The following FAM177A1 variants were observed in gnomAD, a reference collection of about 807,000 sequenced individuals.
FAM177A1 encodes protein FAM177A1.
Under a neutral mutation model 26.1 loss-of-function variants are expected in FAM177A1, and 22 were observed. That is an observed-to-expected ratio of 0.84 (90% CI 0.60 to 1.20). The LOEUF is 1.20. Ranked by LOEUF, FAM177A1 falls within the 50% of genes most tolerant of loss-of-function variation. FAM177A1 has a pLI of 0.00. For missense variants in FAM177A1, 296 were observed against 291.1 expected (o/e 1.02, Z -0.12); for synonymous variants, 95 against 99.3 (o/e 0.96, Z 0.26).
In FAM177A1 at chr14:35,063,492, C is replaced by T. The variant is rs190440588; in HGVS notation, c.339+10041C>T. 5.0e-4 allele frequency among the ~76,000 whole-genome samples: 76 copies of T among 151,420 alleles called. 1 individual carries two copies. In the East Asian group the frequency reaches 0.012, roughly 25 times the overall value. On this transcript the variant is annotated intron_variant, in intron 2 of 4. Coordinates refer to ENST00000280987, the MANE Select transcript of FAM177A1 (RefSeq NM_173607.5). Reference sequence around the variant, plus strand: ...GCTTGGGAGGCTGAGGCAGGAGAATCGCTTGAACCTGGGAGGTGGAGGTTG... The same window carrying T: ...GCTTGGGAGGCTGAGGCAGGAGAATTGCTTGAACCTGGGAGGTGGAGGTTG...
chr14:35,079,029 G>A lies in FAM177A1; in HGVS notation c.504+5G>A, dbSNP rs1372153692. 6.5e-7 allele frequency: 1 copy of A among 1,548,716 alleles called. No homozygotes were observed. Among genetic ancestry groups the A allele is most frequent in the Non-Finnish European group, 8.6e-7 (1 of 1,156,304 alleles). ...TATTATCGGATGAAGAAGGAGGTAT[G>A]CCTCCTTTTTACATTTTCTTGATTC... On this transcript the variant is annotated splice_donor_5th_base_variant and intron_variant, in intron 4 of 4. Transcript: ENST00000280987.
chr14:35,052,870 C>T (rs2044996403), intron 1 of FAM177A1, among the ~76,000 whole-genome samples: 1 of 152,022 alleles, frequency 6.6e-6, no homozygotes, highest in South Asian at 2.1e-4. Context: ...TGCAGTGAGC[C>T]GTGATTGCAC....
At chr14:35,076,452 G>T (rs941312055) in intron 2 of FAM177A1, among the ~76,000 whole-genome samples, 3 of 151,958 alleles carry the variant, frequency 2.0e-5, no homozygotes, top group Non-Finnish European at 4.4e-5. Flanking sequence ...TGGGGTGGGG[G>T]GAGCGGGGAG....
chr14:35,069,181 T>A (rs1037020859), intron 2 of FAM177A1, among the ~76,000 whole-genome samples: 3 of 152,156 alleles, frequency 2.0e-5, no homozygotes, highest in African/African-American at 7.2e-5. Context: ...AAAATTTTTT[T>A]AAATGTGTAT....
At chr14:35,069,346 C>T (rs1303523153) in intron 2 of FAM177A1, among the ~76,000 whole-genome samples, 8 of 146,814 alleles carry the variant, frequency 5.4e-5, no homozygotes, top group Middle Eastern at 3.7e-3. Context: ...AGTGCAATGG[C>T]GCAATCTCGG....
At chr14:35,047,743 G>A (rs112224247) in intron 1 of FAM177A1, among the ~76,000 whole-genome samples, 1,472 of 140,616 alleles carry the variant, frequency 0.01, 32 homozygotes, top group Non-Finnish European at 0.01. Flanking sequence ...GCGAGACTCC[G>A]TCTCAAAACA....
chr14:35,055,988 A>T (rs553978522), intron 2 of FAM177A1, among the ~76,000 whole-genome samples: 31 of 152,144 alleles, frequency 2.0e-4, no homozygotes, highest in African/African-American at 7.5e-4. Context: ...TTTCAGGTGC[A>T]TATTGGCCAT....
intron 2 of FAM177A1, among the ~76,000 whole-genome samples, chr14:35,073,756 T>C (rs1310203064): frequency 6.6e-6 from 1 of 152,192 alleles, no homozygotes; most frequent in Non-Finnish European, 1.5e-5. Context: ...GCAGTCCTAA[T>C]CATAAACCGG....
At chr14:35,070,960 C>G (rs1389029547) in intron 2 of FAM177A1, among the ~76,000 whole-genome samples, 1 of 151,494 alleles carries the variant, frequency 6.6e-6, no homozygotes, top group Non-Finnish European at 1.5e-5. Flanking sequence ...GGGTGAATTA[C>G]ATTTTTCTTA....
chr14:35,053,901 G>T (rs1323847183), intron 2 of FAM177A1, among the ~76,000 whole-genome samples: 1 of 152,158 alleles, frequency 6.6e-6, no homozygotes, highest in Non-Finnish European at 1.5e-5. Flanking sequence ...GCTGAGGCAG[G>T]AGAATTGCTT....
rs1320975725 is a variant in FAM177A1, at chr14:35,077,503, T to C, written c.406+287T>C. Among the ~76,000 whole-genome samples, 6 of 127,244 alleles carry C rather than the reference T, an allele frequency of 4.7e-5. No homozygotes were observed. The Admixed American group carries it at 5.6e-4, about 12-fold the overall frequency. The allele number at this position is 127,244 out of a possible 152,430, so 83.5% of individuals were successfully genotyped here. On this transcript the variant is annotated intron_variant, in intron 3 of 4. Coordinates refer to ENST00000280987, the MANE Select transcript of FAM177A1 (RefSeq NM_173607.5). ...TTTTTTTTTTTTTTTTGAGACGGAG[T>C]CTCGCTCTGTCGCCCAGGCCGGACT...
chr14:35,079,935 TA>T (rs1158611421), intron 4 of FAM177A1, among the ~76,000 whole-genome samples: 4 of 152,198 alleles, frequency 2.6e-5, no homozygotes, highest in African/African-American at 9.7e-5. Context: ...TCAGCTGACT[TA>T]ATATTTGTCA....
chr14:35,081,385 T>C lies in FAM177A1; in HGVS notation c.*157T>C. ...ATGTTTTCTTCATTTTTAGGATCTA[T>C]CTAGCAAAAGCCAGATCTGAAATTC... On this transcript the variant is annotated 3_prime_UTR_variant, in exon 5 of 5. Coordinates refer to ENST00000280987, the MANE Select transcript of FAM177A1 (RefSeq NM_173607.5). The C allele has an allele frequency of 2.7e-6, 2 of 742,518 alleles. No homozygotes were observed. The highest frequency in any genetic ancestry group is 4.0e-6 in the Non-Finnish European group (2 of 497,034). The allele number at this position is 742,518 out of a possible 1,614,324, so 46.0% of individuals were successfully genotyped here.
rs541017194 is a variant in FAM177A1 at position 35,052,460 on chromosome 14, C to T, written c.166-818C>T. Among the ~76,000 whole-genome samples, 5 of 151,946 alleles carry T rather than the reference C, an allele frequency of 3.3e-5. No homozygotes were observed. The East Asian group carries it at 5.8e-4, about 18-fold the overall frequency. On this transcript the variant is annotated intron_variant, in intron 1 of 4. Coordinates refer to ENST00000280987, the MANE Select transcript of FAM177A1 (RefSeq NM_173607.5). The stretch of plus-strand genomic sequence containing the variant: ...TCCTGACCTTGTGATCCGCCTGCCT[C>T]GGCCTCCCAAAATGCTGGGATTACA...
At chr14:35,070,023 G>A (rs1204549799) in intron 2 of FAM177A1, among the ~76,000 whole-genome samples, 1 of 144,060 alleles carries the variant, frequency 6.9e-6, no homozygotes, top group Non-Finnish European at 1.5e-5. Context: ...GGCTAAGGCA[G>A]AGAATTGCTT....
intron 2 of FAM177A1, among the ~76,000 whole-genome samples, chr14:35,070,283 G>A (rs993344032): frequency 7.3e-5 from 11 of 151,082 alleles, no homozygotes; most frequent in African/African-American, 1.9e-4. Context: ...CTCAGCCTCC[G>A]AAAGTGCTGG....
chr14:35,052,291 C>A (rs2044984877), intron 1 of FAM177A1, among the ~76,000 whole-genome samples: 1 of 151,734 alleles, frequency 6.6e-6, no homozygotes, highest in Non-Finnish European at 1.5e-5. Context: ...GTTGCCCAGA[C>A]TGGAGTGCAG....
chr14:35,055,257 C>A (rs2045041876), intron 2 of FAM177A1, among the ~76,000 whole-genome samples: 1 of 143,204 alleles, frequency 7.0e-6, no homozygotes, highest in Non-Finnish European at 1.5e-5. Context: ...GAGCCGAGAT[C>A]GTGCCATTGT....
chr14:35,062,946 T>C (rs1178589318), intron 2 of FAM177A1, among the ~76,000 whole-genome samples: 1 of 150,090 alleles, frequency 6.7e-6, no homozygotes, highest in African/African-American at 2.4e-5. Flanking sequence ...CCATAACTTA[T>C]TTTTTAAATT....
Sources: allele counts gnomAD v4.1 joint callset (sites outside exome capture counted in the v4.1 genomes callset), GRCh38; gene constraint gnomAD v4.1.1; transcripts MANE v1.5; gene names NCBI Gene and HGNC (gene_info 2026-07-23, HGNC 2026-07-21).